SLC25A53: variants seen among roughly 807,000 people sequenced by gnomAD.
The protein encoded by SLC25A53 is mitochondrial carrier triple repeat protein 6.
In SLC25A53, 5 loss-of-function variants were observed where a neutral mutation model predicts 15.0. That is an observed-to-expected ratio of 0.33 (90% confidence interval 0.17 to 0.70). The LOEUF (loss-of-function observed/expected upper bound fraction) is 0.70. Among genes scored for constraint, SLC25A53 ranks in the 30% least tolerant of loss-of-function variants. The pLI is 0.67. For missense variants in SLC25A53, 216 were observed against 241.6 expected (o/e 0.89, Z 0.70); for synonymous variants, 95 against 100.0 (o/e 0.95, Z 0.30).
intron 1 of SLC25A53, among the ~76,000 whole-genome samples, chrX:104,131,857 C>T (rs1239501601): frequency 9.0e-6 from 1 of 111,617 alleles, no homozygotes; most frequent in Non-Finnish European, 1.9e-5. Flanking sequence ...CCTAGATGTC[C>T]AGCGGGTACT....
In SLC25A53 at chrX:104,105,218, G is replaced by A. The variant is rs1556355555; in HGVS notation, c.40C>T (p.His14Tyr). The A allele has an allele frequency of 2.5e-6, 3 of 1,211,032 alleles. No individual in the cohort carries two copies. The Admixed American group carries it at 6.5e-5, about 26-fold the overall frequency. Residue 14 changes from histidine (H) to tyrosine (Y), a missense_variant, in exon 2 of 2, where the codon CAC (histidine) becomes TAC (tyrosine). His to Tyr is a moderately conservative substitution (Grantham distance 83, BLOSUM62 2). Coordinates refer to ENST00000594199, the MANE Select transcript of SLC25A53 (RefSeq NM_001012755.5). Reference sequence around the variant, plus strand: ...CCTGGAGCCTCTGCTCGCGTCCTGTGCTGAAGCTCCTTCCCGGGAGAGTGG... The same window carrying A: ...CCTGGAGCCTCTGCTCGCGTCCTGTACTGAAGCTCCTTCCCGGGAGAGTGG... ...QNHSPGKELQHRTRAEAPGKK... is the reference protein window; with the variant it reads ...QNHSPGKELQYRTRAEAPGKK...
At chrX:104,150,799 G>A (rs1410266368) in intron 1 of SLC25A53, among the ~76,000 whole-genome samples, 3 of 111,252 alleles carry the variant, frequency 2.7e-5, no homozygotes, top group Admixed American at 9.6e-5. Flanking sequence ...AGTCCTTTCT[G>A]ACACCCTCCA....
At position 104,114,757 on chromosome X, in the gene SLC25A53, A is replaced by T. The variant is rs2075368669; in HGVS notation, c.-31-9469T>A. 6 of 1,211,836 alleles carry T rather than the reference A, an allele frequency of 5.0e-6. No individual in the cohort carries two copies. In the East Asian group the frequency reaches 1.8e-4, roughly 36 times the overall value. On this transcript the variant is annotated intron_variant, in intron 1 of 1. Transcript: ENST00000594199. ...CAATTTCCTGGAGTTAATCAAGATG[A>T]TAAGGGAGGAAGAGGATTGGGATGA... is the stretch of plus-strand genomic sequence containing the variant.
chrX:104,111,580 C>A (rs1298127952), intron 1 of SLC25A53, among the ~76,000 whole-genome samples: 1 of 111,162 alleles, frequency 9.0e-6, no homozygotes, highest in Non-Finnish European at 1.9e-5. Context: ...ACAATGGGCA[C>A]CATAAAGGTT....
intron 1 of SLC25A53, chrX:104,115,408 C>T: frequency 1.1e-6 from 1 of 910,332 alleles, no homozygotes; most frequent in African/African-American, 2.0e-5. Context: ...GGGTTTCTAA[C>T]TGCATGAATT....
intron 1 of SLC25A53, among the ~76,000 whole-genome samples, chrX:104,118,671 G>C (rs1341344797): frequency 2.7e-5 from 3 of 112,619 alleles, no homozygotes; most frequent in Non-Finnish European, 5.6e-5. Context: ...TTAGGGTCAT[G>C]TAATTATTTA....
intron 1 of SLC25A53, among the ~76,000 whole-genome samples, chrX:104,147,450 G>C (rs1556369339): frequency 9.1e-6 from 1 of 110,463 alleles, no homozygotes; most frequent in African/African-American, 3.3e-5. Flanking sequence ...ATTGACAAAT[G>C]GGATCTAATT....
chrX:104,150,907 G>C (rs1330981162), intron 1 of SLC25A53, among the ~76,000 whole-genome samples: 2 of 111,472 alleles, frequency 1.8e-5, no homozygotes, highest in African/African-American at 6.5e-5. Context: ...TGTTCCTGGT[G>C]GTCTTGGGCT....
intron 1 of SLC25A53, among the ~76,000 whole-genome samples, chrX:104,153,982 T>G (rs2147882962): frequency 8.9e-6 from 1 of 111,955 alleles, no homozygotes; most frequent in South Asian, 3.7e-4. Flanking sequence ...AAAGCAAAAC[T>G]AGACAAATGG....
At chrX:104,111,199 C>T (rs1190263259) in intron 1 of SLC25A53, among the ~76,000 whole-genome samples, 75 of 112,314 alleles carry the variant, frequency 6.7e-4, no homozygotes, top group African/African-American at 2.3e-3. Context: ...GTTAAAACTA[C>T]AAATCACACT....
intron 1 of SLC25A53, among the ~76,000 whole-genome samples, chrX:104,148,301 T>G (rs1246931057): frequency 2.9e-5 from 3 of 104,330 alleles, no homozygotes; most frequent in Non-Finnish European, 2.0e-5. Flanking sequence ...GGGACTGTTG[T>G]AGGGTGGGAG....
rs1280423910 is a variant in SLC25A53 at position 104,100,218 on chromosome X, T to C, written c.*4116A>G. ...ATGATTTGTCATAAAACGTTATTAT[T>C]TCAACTTGAGCTTTATAAAAGCTGA... On this transcript the variant is annotated 3_prime_UTR_variant, in exon 2 of 2. Transcript: ENST00000594199. 8.9e-6 allele frequency: 1 copy of C among 112,114 alleles called. No individual in the cohort carries two copies. The highest frequency in any genetic ancestry group is 1.9e-5 in the Non-Finnish European group (1 of 53,224). 9.2% of individuals were successfully genotyped at this position (112,114 alleles called of 1,213,427 possible). A position where few individuals can be genotyped will look rare whatever the true frequency, so the allele number is the denominator to read the frequency against.
intron 1 of SLC25A53, among the ~76,000 whole-genome samples, chrX:104,139,243 C>T (rs782399150): frequency 4.6e-4 from 51 of 111,531 alleles, no homozygotes; most frequent in Non-Finnish European, 5.7e-4. Context: ...ATTGGCTAGG[C>T]GCAGTGGCTC....
intron 1 of SLC25A53, among the ~76,000 whole-genome samples, chrX:104,124,786 T>C (rs2075405214): frequency 9.2e-6 from 1 of 108,788 alleles, no homozygotes; most frequent in African/African-American, 3.3e-5. Flanking sequence ...AAAAATGTAT[T>C]GTAACATTGT....
chrX:104,138,052 C>T (rs1271984932), intron 1 of SLC25A53, among the ~76,000 whole-genome samples: 3 of 111,978 alleles, frequency 2.7e-5, no homozygotes, highest in African/African-American at 9.7e-5. Flanking sequence ...ACCACACTCA[C>T]ACGGTTTTTA....
At chrX:104,119,689 G>A (rs782197834) in intron 1 of SLC25A53, among the ~76,000 whole-genome samples, 3 of 109,709 alleles carry the variant, frequency 2.7e-5, no homozygotes, top group Non-Finnish European at 5.7e-5. Context: ...TCTTTAAGCG[G>A]GGGGCGGGGG....
At chrX:104,138,351 A>G (rs2075442240) in intron 1 of SLC25A53, among the ~76,000 whole-genome samples, 1 of 112,532 alleles carries the variant, frequency 8.9e-6, no homozygotes, top group Non-Finnish European at 1.9e-5. Context: ...AGGTTGTGAA[A>G]AAGGAAAAGT....
intron 1 of SLC25A53, among the ~76,000 whole-genome samples, chrX:104,142,631 A>G (rs1412504762): frequency 1.8e-5 from 2 of 111,300 alleles, no homozygotes; most frequent in African/African-American, 6.6e-5. Context: ...CCGGCAAGAT[A>G]GCCAAACAGG....
At chrX:104,150,098 T>A (rs1556370069) in intron 1 of SLC25A53, among the ~76,000 whole-genome samples, 2 of 109,108 alleles carry the variant, frequency 1.8e-5, no homozygotes, top group East Asian at 5.8e-4. Context: ...CCAGGTGTAG[T>A]GGCACACACC....
Sources: allele counts gnomAD v4.1 joint callset (sites outside exome capture counted in the v4.1 genomes callset), GRCh38; gene constraint gnomAD v4.1.1; transcripts MANE v1.5; gene names NCBI Gene and HGNC (gene_info 2026-07-23, HGNC 2026-07-21).